The following GRB10 variants were observed in gnomAD, a reference collection of about 807,000 sequenced individuals.
GRB10 encodes the protein growth factor receptor-bound protein 10.
A neutral mutation model predicts 80.9 loss-of-function variants in GRB10; 20 were observed. That is an observed-to-expected ratio of 0.25 (90% CI 0.17 to 0.36). GRB10 has a LOEUF of 0.36. Among genes scored for constraint, GRB10 ranks in the 10% least tolerant of loss-of-function variants. GRB10 has a pLI of 1.00. For missense variants in GRB10, 548 were observed against 747.7 expected (o/e 0.73, Z 3.12); for synonymous variants, 291 against 291.5 (o/e 1.00, Z 0.02).
intron 8 of GRB10, among the ~76,000 whole-genome samples, chr7:50,626,043 G>C (rs376235042): frequency 6.6e-5 from 10 of 152,044 alleles, no homozygotes; most frequent in African/African-American, 2.4e-4. Context: ...AGAAAATTTT[G>C]GTTTTGAATA....
chr7:50,755,562 C>T (rs1302913022), intron 3 of GRB10, among the ~76,000 whole-genome samples: 1 of 152,118 alleles, frequency 6.6e-6, no homozygotes, highest in South Asian at 2.1e-4. Context: ...AGCATCACCC[C>T]CACCATATGG....
intron 4 of GRB10, among the ~76,000 whole-genome samples, chr7:50,721,534 C>A (rs1204139236): frequency 6.6e-6 from 1 of 152,262 alleles, no homozygotes; most frequent in African/African-American, 2.4e-5. Context: ...CAACTCATGA[C>A]AAAGTGAGCC....
At chr7:50,634,732 G>C (rs1446551296) in intron 7 of GRB10, among the ~76,000 whole-genome samples, 1 of 152,190 alleles carries the variant, frequency 6.6e-6, no homozygotes, top group African/African-American at 2.4e-5. Context: ...GTGAGCAGGA[G>C]TAGCCATTCT....
intron 4 of GRB10, among the ~76,000 whole-genome samples, chr7:50,716,628 T>C (rs1038802118): frequency 3.3e-5 from 5 of 152,072 alleles, no homozygotes; most frequent in Admixed American, 2.0e-4. Context: ...AAGTGGAAGA[T>C]ATAAAATGAC....
At chr7:50,767,335 G>A (rs548696783) in intron 2 of GRB10, among the ~76,000 whole-genome samples, 214 of 152,218 alleles carry the variant, frequency 1.4e-3, no homozygotes, top group African/African-American at 5.0e-3. Context: ...GGGCAGGCAG[G>A]TGCAGGCAAG....
chr7:50,672,815 T>C (rs2060502643), intron 6 of GRB10, among the ~76,000 whole-genome samples: 1 of 152,144 alleles, frequency 6.6e-6, no homozygotes, highest in Non-Finnish European at 1.5e-5. Context: ...TCCCAAGAGA[T>C]GCTCCCAAGA....
intron 7 of GRB10, among the ~76,000 whole-genome samples, chr7:50,642,748 T>C (rs186491719): frequency 2.6e-5 from 4 of 152,202 alleles, no homozygotes; most frequent in Admixed American, 6.5e-5. Flanking sequence ...ACTCAATCAT[T>C]ATACTCCTAC....
chr7:50,648,035 T>G (rs2057467631), intron 7 of GRB10, among the ~76,000 whole-genome samples: 1 of 151,660 alleles, frequency 6.6e-6, no homozygotes, highest in African/African-American at 2.4e-5. Flanking sequence ...GAAACAGGAG[T>G]CTGGGCCTTG....
intron 2 of GRB10, chr7:50,761,745 C>T (rs2075789313): frequency 6.6e-6 from 1 of 152,116 alleles, no homozygotes; most frequent in Admixed American, 6.5e-5. Context: ...AATTGTAACC[C>T]CCAGTGTTGG....
chr7:50,627,686 A>C (rs768433087), intron 7 of GRB10, among the ~76,000 whole-genome samples: 3 of 152,264 alleles, frequency 2.0e-5, no homozygotes, highest in Admixed American at 2.0e-4. Context: ...AGAGGACGGG[A>C]GTCTATCCCT....
At chr7:50,611,646 A>T (rs1449038952) in intron 13 of GRB10, among the ~76,000 whole-genome samples, 1 of 152,194 alleles carries the variant, frequency 6.6e-6, no homozygotes, top group Non-Finnish European at 1.5e-5. Context: ...TGGGTGCAAA[A>T]TGCTACCTGC....
rs147873252 is a variant in GRB10, at chr7:50,658,813, G to C, written c.504+10909C>G. 8.3e-3 allele frequency among the ~76,000 whole-genome samples: 1,266 copies of C among 152,300 alleles called. 17 individuals are homozygous for C. Among genetic ancestry groups the C allele is most frequent in the African/African-American group, 0.029 (1,209 of 41,550 alleles). ...CTGTGTCATATTTAGCCAAACAAGT[G>C]GTCTGCTCCAGGTCACGACTGCCTC... On this transcript the variant is annotated intron_variant, in intron 7 of 18. Transcript: ENST00000401949.
chr7:50,733,743 C>T (rs2070313428), intron 3 of GRB10, among the ~76,000 whole-genome samples: 3 of 152,236 alleles, frequency 2.0e-5, no homozygotes, highest in African/African-American at 7.2e-5. Flanking sequence ...GCTGGTGTTA[C>T]ACGTCAACAG....
rs559992661 is a variant in GRB10 at position 50,630,465 on chromosome 7, G to A, written c.505-3487C>T. Among the ~76,000 whole-genome samples the A allele has an allele frequency of 4.6e-5, 7 of 152,310 alleles. No individual in the cohort carries two copies. In the South Asian group the frequency reaches 1.4e-3, roughly 32 times the overall value. ...CTGGCCCCTGACACGTGCCCTCCCT[G>A]GGACGTGCTTGGATCCACCGTGGAT... On this transcript the variant is annotated intron_variant, in intron 7 of 18. Coordinates refer to ENST00000401949, the MANE Select transcript of GRB10 (RefSeq NM_001350814.2).
intron 18 of GRB10, among the ~76,000 whole-genome samples, chr7:50,594,997 C>A (rs1257803425): frequency 2.0e-5 from 3 of 152,182 alleles, no homozygotes; most frequent in African/African-American, 7.2e-5. Context: ...AACAGGCAAT[C>A]CTGCTGCACA....
chr7:50,710,973 G>A lies in GRB10; in HGVS notation c.52-7065C>T. On this transcript the variant is annotated intron_variant, in intron 4 of 18. Transcript: ENST00000401949. Reference sequence around the variant, plus strand: ...TGGCTGTGTCCTCAGCCTGCCCTGTGCACAATATTTTCAGAACCTGGAGAA... The same window carrying A: ...TGGCTGTGTCCTCAGCCTGCCCTGTACACAATATTTTCAGAACCTGGAGAA... 23 of 1,423,078 alleles carry A rather than the reference G, an allele frequency of 1.6e-5. No homozygotes were observed. The South Asian group carries it at 2.5e-4, about 16-fold the overall frequency. 88.2% of individuals were successfully genotyped at this position (1,423,078 alleles called of 1,614,324 possible). A position where few individuals can be genotyped will look rare whatever the true frequency, so the allele number is the denominator to read the frequency against.
rs188617842 is a variant in GRB10, at chr7:50,653,813, T to C, written c.504+15909A>G. Among the ~76,000 whole-genome samples the C allele has an allele frequency of 4.4e-4, 67 of 152,222 alleles. No homozygotes were observed. The East Asian group carries it at 0.012, about 26-fold the overall frequency. The stretch of plus-strand genomic sequence containing the variant: ...TGGCTACATGAAGAAGCTACCCAAG[T>C]AAAGTTGGTAGATCAAAAAGGGACC... On this transcript the variant is annotated intron_variant, in intron 7 of 18. Transcript: ENST00000401949.
In GRB10 at chr7:50,669,773, G is replaced by C. The variant is rs768955738; in HGVS notation, c.453C>G (p.Pro151=). Residue 151 remains proline (P), a synonymous_variant, in exon 7 of 19, where the codon CCC becomes CCG. Transcript: ENST00000401949. ...PFPELCGPGS[P]PVLTPGSLPP... is the part of the protein sequence containing the mutation. ...GTAAAGAACCCGGCGTGAGCACAGG[G>C]GGGCTCCCAGGGCCACAGAGTTCAG... 1.9e-6 allele frequency: 3 copies of C among 1,613,990 alleles called. No individual in the cohort carries two copies. The highest frequency in any genetic ancestry group is 3.3e-5 in the Admixed American group (2 of 60,022).
intron 3 of GRB10, among the ~76,000 whole-genome samples, chr7:50,733,108 G>C (rs1264949615): frequency 6.6e-6 from 1 of 152,108 alleles, no homozygotes; most frequent in Non-Finnish European, 1.5e-5. Context: ...GTTAAAATGA[G>C]ATGATGAGGG....
Sources: gnomAD v4.1 joint callset for allele counts (sites outside exome capture counted in the v4.1 genomes callset) on GRCh38, gnomAD v4.1.1 for gene constraint, MANE v1.5 for transcripts, NCBI Gene and HGNC (gene_info 2026-07-23, HGNC 2026-07-21) for gene names.